The following JMJD1C variants were observed in gnomAD, a reference collection of about 807,000 sequenced individuals.
JMJD1C encodes jumonji domain containing 1C, also known as jumonji domain-containing protein 1C.
Under a neutral mutation model 245.3 loss-of-function variants are expected in JMJD1C, and 31 were observed. The observed-to-expected ratio is 0.13, with a 90% CI of 0.09 to 0.17. JMJD1C has a LOEUF of 0.17. JMJD1C is among the 10% of genes least tolerant of loss of function. The pLI is 1.00. For synonymous variants in JMJD1C, 1,057 were observed against 1,017.4 expected (o/e 1.04, Z -0.74); for missense variants, 2,691 against 3,000.2 (o/e 0.90, Z 2.41).
chr10:63,408,604 A>G (rs1165169916), intron 1 of JMJD1C, among the ~76,000 whole-genome samples: 1 of 152,088 alleles, frequency 6.6e-6, no homozygotes, highest in East Asian at 1.9e-4. Flanking sequence ...AATCATTTCT[A>G]ATTTTTCATC....
intron 1 of JMJD1C, among the ~76,000 whole-genome samples, chr10:63,484,721 ATATC>A (rs1212836521): frequency 3.9e-5 from 6 of 152,162 alleles, no homozygotes; most frequent in Admixed American, 3.3e-4. Context: ...GCCAATTTAT[ATATC>A]TATCTAAAAT....
chr10:63,510,675 G>T (rs1954847942), intron 1 of JMJD1C, among the ~76,000 whole-genome samples: 1 of 152,164 alleles, frequency 6.6e-6, no homozygotes, highest in African/African-American at 2.4e-5. Context: ...GCTGTTATTT[G>T]AAGTAGTCTA....
At chr10:63,323,379 G>C (rs1019229560) in intron 2 of JMJD1C, among the ~76,000 whole-genome samples, 2 of 151,978 alleles carry the variant, frequency 1.3e-5, no homozygotes, top group Non-Finnish European at 2.9e-5. Context: ...CAAAAACTAG[G>C]CTTGGTGGCA....
At chr10:63,389,887 A>G (rs901962777) in intron 1 of JMJD1C, among the ~76,000 whole-genome samples, 2 of 152,166 alleles carry the variant, frequency 1.3e-5, no homozygotes, top group Non-Finnish European at 2.9e-5. Context: ...GAGAATATTT[A>G]ATAAAGTAGT....
intron 24 of JMJD1C, 152 bp downstream of exon 24, chr10:63,176,145 C>T: frequency 2.0e-6 from 1 of 504,088 alleles, no homozygotes. Context: ...TTTCTGCAAG[C>T]ACTGAGATGT....
chr10:63,352,179 C>T lies in JMJD1C; in HGVS notation c.333+28139G>A, dbSNP rs78043262. On this transcript the variant is annotated intron_variant, in intron 2 of 25. Coordinates refer to ENST00000399262, the MANE Select transcript of JMJD1C (RefSeq NM_032776.3). ...CTAACTTGAGGTACTTTGTGTTTAA[C>T]GAAATAAAGGTAAGTTTAGAAATAC... 3.8e-3 allele frequency among the ~76,000 whole-genome samples: 570 copies of T among 151,762 alleles called. 4 individuals carry two copies. The highest frequency in any genetic ancestry group is 0.013 in the African/African-American group (552 of 41,354).
intron 2 of JMJD1C, among the ~76,000 whole-genome samples, chr10:63,347,055 C>G (rs1455400197): frequency 6.9e-6 from 1 of 144,290 alleles, no homozygotes. Flanking sequence ...CAGTATAGAA[C>G]AAATGAAAAG....
chr10:63,239,240 A>G (rs886210619), intron 3 of JMJD1C, among the ~76,000 whole-genome samples: 1 of 152,198 alleles, frequency 6.6e-6, no homozygotes, highest in Non-Finnish European at 1.5e-5. Flanking sequence ...GTACACTGGT[A>G]TGGATTGAAT....
At chr10:63,376,138 A>G (rs2134464981) in intron 2 of JMJD1C, among the ~76,000 whole-genome samples, 1 of 152,304 alleles carries the variant, frequency 6.6e-6, no homozygotes, top group Non-Finnish European at 1.5e-5. Context: ...ACCCTTGCAT[A>G]TACAGTCAAA....
At chr10:63,367,726 T>C (rs1004355531) in intron 2 of JMJD1C, among the ~76,000 whole-genome samples, 4 of 152,132 alleles carry the variant, frequency 2.6e-5, no homozygotes, top group East Asian at 1.9e-4. Flanking sequence ...TAGTTAAGCA[T>C]AGAGATGTTT....
At chr10:63,193,201 A>T (rs750597657) in intron 15 of JMJD1C, 50 bp from the exon 16 acceptor site, 1 of 1,530,468 alleles carries the variant, frequency 6.5e-7, no homozygotes, top group South Asian at 1.1e-5. Flanking sequence ...CAATAATTCA[A>T]TTAGTAGTAT....
At chr10:63,268,537 T>TAA (rs1855908867) in intron 2 of JMJD1C, 3 of 194,442 alleles carry the variant, frequency 1.5e-5, no homozygotes, top group Non-Finnish European at 2.8e-5. Flanking sequence ...TAAAAATTCT[T>TAA]AAAACTAAAA....
chr10:63,207,110 C>T lies in JMJD1C; in HGVS notation c.4559G>A (p.Ser1520Asn). ...QTLSASLPLD[S>N]TVICSTINKA... ...GTTAATTGTACTACAGATTACAGTGCTATCCAGAGGAAGGGAGGCTGAAAG... is the reference window on the plus strand; with the variant it reads ...GTTAATTGTACTACAGATTACAGTGTTATCCAGAGGAAGGGAGGCTGAAAG... Residue 1520 changes from serine to asparagine, a missense_variant, in exon 10 of 26, where the codon AGC becomes AAC. By Grantham distance (46) the Ser-to-Asn change is conservative (BLOSUM62 1). Around this residue, in one of 9 missense-constraint regions of JMJD1C, gnomAD observed 1,562 missense variants for 1,490.7 expected, o/e 1.05. Transcript: ENST00000399262. 1.2e-6 allele frequency: 2 copies of T among 1,614,210 alleles called. No homozygotes were observed. The highest frequency in any genetic ancestry group is 8.5e-7 in the Non-Finnish European group (1 of 1,180,044).
At chr10:63,188,148 T>C (rs976498899) in intron 18 of JMJD1C, among the ~76,000 whole-genome samples, 4 of 152,226 alleles carry the variant, frequency 2.6e-5, no homozygotes, top group Admixed American at 6.5e-5. Context: ...TGGGTTCTCA[T>C]AGCACCTTGA....
chr10:63,511,623 T>C (rs1236399454), intron 1 of JMJD1C, among the ~76,000 whole-genome samples: 2 of 152,076 alleles, frequency 1.3e-5, no homozygotes, highest in African/African-American at 4.8e-5. Context: ...GGCAGGAGAA[T>C]TGAGTTGCTT....
intron 3 of JMJD1C, among the ~76,000 whole-genome samples, chr10:63,237,778 T>C (rs1331207824): frequency 6.6e-6 from 1 of 152,102 alleles, no homozygotes; most frequent in Non-Finnish European, 1.5e-5. Context: ...CAATGAGCAC[T>C]TCCTTTGAGT....
At chr10:63,364,497 C>T (rs1444604774) in intron 2 of JMJD1C, among the ~76,000 whole-genome samples, 4 of 151,996 alleles carry the variant, frequency 2.6e-5, no homozygotes, top group African/African-American at 9.7e-5. Context: ...CAAAGATAAG[C>T]AGGTTTTTTG....
At chr10:63,467,807 T>TG (rs1372355383), upstream of JMJD1C, among the ~76,000 whole-genome samples, 1 of 152,228 alleles carries the variant, frequency 6.6e-6, no homozygotes, top group African/African-American at 2.4e-5. Flanking sequence ...ATCAATGATC[T>TG]GCTTTGTGAC....
intron 3 of JMJD1C, among the ~76,000 whole-genome samples, chr10:63,263,959 TACACACACACACACAC>T (rs746833882): frequency 0.01 from 854 of 83,016 alleles, 8 homozygotes; most frequent in Non-Finnish European, 0.015. Flanking sequence ...AAAATACACA[TACACACACACACACAC>T]ACACACACAC....
Sources: gnomAD v4.1 joint callset for allele counts (sites outside exome capture counted in the v4.1 genomes callset) on GRCh38, gnomAD v4.1.1 for gene constraint, gnomAD v4.1.1 regional missense constraint, MANE v1.5 for transcripts, NCBI Gene and HGNC (gene_info 2026-07-23, HGNC 2026-07-21) for gene names.